Variants in PLEKHO2 observed in about 807,000 individuals in gnomAD.
The protein encoded by PLEKHO2 is pleckstrin homology domain-containing family O member 2.
Under a neutral mutation model 32.7 loss-of-function variants are expected in PLEKHO2, and 20 were observed. The ratio of observed to expected loss-of-function variants is 0.61; its 90% confidence interval spans 0.43 to 0.89. The LOEUF (loss-of-function observed/expected upper bound fraction) is 0.89. PLEKHO2 is among the 40% of genes least tolerant of loss of function. The probability of loss-of-function intolerance (pLI) is 0.00; values close to 1 mark genes in which losing one functional copy is unlikely to be tolerated. For synonymous variants in PLEKHO2, 247 were observed against 246.3 expected (o/e 1.00, Z -0.03); for missense variants, 568 against 621.2 (o/e 0.91, Z 0.91).
intron 1 of PLEKHO2, among the ~76,000 whole-genome samples, chr15:64,843,738 G>A (rs991809279): frequency 1.3e-5 from 2 of 151,888 alleles, no homozygotes; most frequent in Admixed American, 6.6e-5. Context: ...GCACCACCAC[G>A]CCTGGCTAAT....
At chr15:64,843,950 A>G (rs1164699438) in intron 1 of PLEKHO2, among the ~76,000 whole-genome samples, 1 of 151,888 alleles carries the variant, frequency 6.6e-6, no homozygotes, top group African/African-American at 2.4e-5. Context: ...GTTCTTGTCC[A>G]CTTTACCCAA....
rs542970092 is a variant in PLEKHO2 at position 64,861,666 on chromosome 15, C to T, written c.483+91C>T. ...CAGCCAGGCTTGGGGCCACATTTTTCCTGAGGACACCTGGAGCTGGGGCTT... is the reference window on the plus strand; with the variant it reads ...CAGCCAGGCTTGGGGCCACATTTTTTCTGAGGACACCTGGAGCTGGGGCTT... On this transcript the variant is annotated intron_variant, in intron 5 of 5. Transcript: ENST00000323544. 6.1e-4 allele frequency: 614 copies of T among 1,005,708 alleles called. 3 individuals are homozygous for T. In the Middle Eastern group the frequency reaches 6.9e-3, roughly 11 times the overall value. 62.3% of individuals were successfully genotyped at this position (1,005,708 alleles called of 1,614,324 possible). A position where few individuals can be genotyped will look rare whatever the true frequency, so the allele number is the denominator to read the frequency against.
chr15:64,861,288 G>A (rs1298803461), intron 4 of PLEKHO2, among the ~76,000 whole-genome samples, 189 bp from the exon 5 acceptor site: 2 of 152,340 alleles, frequency 1.3e-5, no homozygotes, highest in East Asian at 3.9e-4. Flanking sequence ...CTGCAGAGAG[G>A]GAGAGCCTCA....
intron 2 of PLEKHO2, among the ~76,000 whole-genome samples, chr15:64,854,005 C>T (rs1163203350): frequency 1.3e-5 from 2 of 152,210 alleles, no homozygotes; most frequent in Non-Finnish European, 2.9e-5. Flanking sequence ...ACCAAAGGAT[C>T]TGCTTCTGCT....
chr15:64,857,927 G>C (rs2084616040), intron 3 of PLEKHO2, among the ~76,000 whole-genome samples: 1 of 152,182 alleles, frequency 6.6e-6, no homozygotes, highest in African/African-American at 2.4e-5. Flanking sequence ...ATTGGCTCCT[G>C]AGTTCAGCTG....
At chr15:64,861,246 T>C (rs2084638668) in intron 4 of PLEKHO2, among the ~76,000 whole-genome samples, 1 of 152,218 alleles carries the variant, frequency 6.6e-6, no homozygotes, top group Admixed American at 6.5e-5. Flanking sequence ...CGATGGCCCA[T>C]ATTTGGGCAG....
rs1056592503 is a variant in PLEKHO2, at chr15:64,861,498, G to A, written c.406G>A (p.Ala136Thr). Reference protein sequence around the residue: ...FDEVKVDKSCALEHVTRDRVR... With the variant: ...FDEVKVDKSCTLEHVTRDRVR... ...CCAGGTAAAGGTGGACAAGAGCTGC[G>A]CCCTGGAGCATGTGACACGGGACCG... is the stretch of plus-strand genomic sequence containing the variant. Residue 136 changes from alanine (A) to threonine (T), a missense_variant, in exon 5 of 6, where the codon GCC (alanine) becomes ACC (threonine). By Grantham distance (58) the Ala-to-Thr change is moderately conservative. Transcript: ENST00000323544. 1.4e-5 allele frequency: 23 copies of A among 1,605,820 alleles called. No individual in the cohort carries two copies. Among genetic ancestry groups the A allele is most frequent in the South Asian group, 6.7e-5 (6 of 89,340 alleles).
chr15:64,863,239 C>T (rs932298327), intron 5 of PLEKHO2, among the ~76,000 whole-genome samples: 1 of 152,084 alleles, frequency 6.6e-6, no homozygotes, highest in Non-Finnish European at 1.5e-5. Context: ...CCTGGCCTTG[C>T]AGCGTATTTT....
intron 1 of PLEKHO2, among the ~76,000 whole-genome samples, chr15:64,846,615 A>C (rs192968090): frequency 6.6e-6 from 1 of 152,304 alleles, no homozygotes; most frequent in East Asian, 1.9e-4. Context: ...CTGTAGAAGA[A>C]GACCCTGGGA....
chr15:64,842,721 C>T (rs1032970253), intron 1 of PLEKHO2, among the ~76,000 whole-genome samples: 5 of 152,312 alleles, frequency 3.3e-5, no homozygotes, highest in African/African-American at 7.2e-5. Flanking sequence ...CTTCCCCACC[C>T]GAGGGCTGGA....
In PLEKHO2 at chr15:64,862,709, C is replaced by T. The variant is rs573149107; in HGVS notation, c.483+1134C>T. 9.9e-5 allele frequency among the ~76,000 whole-genome samples: 15 copies of T among 152,166 alleles called. No homozygotes were observed. In the East Asian group the frequency reaches 1.5e-3, roughly 16 times the overall value. On this transcript the variant is annotated intron_variant, in intron 5 of 5. Transcript: ENST00000323544. ...GGTGGGCATCAGCCAGGTTGGCAGC[C>T]GCAAGTCACAAGGGCAGGACCAAGG... is the stretch of plus-strand genomic sequence containing the variant.
chr15:64,848,849 A>G (rs1042904102), intron 2 of PLEKHO2, 107 bp downstream of exon 2: 3 of 1,426,504 alleles, frequency 2.1e-6, no homozygotes, highest in Admixed American at 1.8e-5. Flanking sequence ...GACCTGCTCT[A>G]CTTTTGCCAT....
chr15:64,847,898 A>G (rs898831449), intron 1 of PLEKHO2, among the ~76,000 whole-genome samples: 1 of 152,184 alleles, frequency 6.6e-6, no homozygotes, highest in African/African-American at 2.4e-5. Context: ...GTAGAGAGGC[A>G]GATTGCCACT....
chr15:64,866,294 C>T lies in PLEKHO2; in HGVS notation c.*406C>T, dbSNP rs1415828660. 1 of 462,700 alleles carries T rather than the reference C, an allele frequency of 2.2e-6. No individual in the cohort carries two copies. The highest frequency in any genetic ancestry group is 6.7e-5 in the East Asian group (1 of 14,826). 28.7% of individuals were successfully genotyped at this position (462,700 alleles called of 1,614,324 possible). A position where few individuals can be genotyped will look rare whatever the true frequency, so the allele number is the denominator to read the frequency against. On this transcript the variant is annotated 3_prime_UTR_variant, in exon 6 of 6. Transcript: ENST00000323544. The stretch of plus-strand genomic sequence containing the variant: ...ACTTCTGAATACAGCACAGCTGAGC[C>T]CCCTGCAGCTCCCATCTCCAGCTAT...
chr15:64,851,047 C>G (rs990646807), intron 2 of PLEKHO2, among the ~76,000 whole-genome samples: 1 of 152,206 alleles, frequency 6.6e-6, no homozygotes, highest in Non-Finnish European at 1.5e-5. Context: ...CAACCTGGAT[C>G]CAAAGTGTTT....
intron 1 of PLEKHO2, 97 bp from the exon 2 acceptor site, chr15:64,848,496 C>G: frequency 7.1e-7 from 1 of 1,418,352 alleles, no homozygotes; most frequent in Non-Finnish European, 9.8e-7. Context: ...TCATTAGGTA[C>G]TTAGCCTAGG....
intron 1 of PLEKHO2, among the ~76,000 whole-genome samples, chr15:64,843,529 G>GCT (rs759638205): frequency 1.3e-5 from 2 of 151,984 alleles, no homozygotes; most frequent in Non-Finnish European, 2.9e-5. Context: ...CCTGGGCCCG[G>GCT]CTCAGCTCTG....
chr15:64,856,397 A>C (rs2084606453), intron 3 of PLEKHO2, among the ~76,000 whole-genome samples: 1 of 151,764 alleles, frequency 6.6e-6, no homozygotes, highest in Non-Finnish European at 1.5e-5. Flanking sequence ...TGTGTGTCTT[A>C]GTATGCTATG....
intron 1 of PLEKHO2, among the ~76,000 whole-genome samples, chr15:64,847,279 G>A (rs1051106010): frequency 2.6e-5 from 4 of 152,130 alleles, no homozygotes; most frequent in Admixed American, 2.0e-4. Flanking sequence ...AGGCAGCTGT[G>A]GCCACAGGAT....
Sources: gnomAD v4.1 joint callset for allele counts (sites outside exome capture counted in the v4.1 genomes callset) on GRCh38, gnomAD v4.1.1 for gene constraint, MANE v1.5 for transcripts, NCBI Gene and HGNC (gene_info 2026-07-23, HGNC 2026-07-21) for gene names.